The following CFAP299 variants were observed in gnomAD, a reference collection of about 807,000 sequenced individuals.
CFAP299 encodes cilia- and flagella-associated protein 299.
Under a neutral mutation model 27.0 loss-of-function variants are expected in CFAP299, and 21 were observed. That is an observed-to-expected ratio of 0.78 (90% confidence interval 0.55 to 1.12). CFAP299 has a LOEUF of 1.12. Among genes scored for constraint, CFAP299 ranks in the 50% most tolerant of loss-of-function variants. The pLI, the probability that CFAP299 is intolerant of heterozygous loss-of-function variation, is 0.00. For missense variants in CFAP299, 310 were observed against 276.6 expected, an observed-to-expected ratio of 1.12 and a Z score of -0.86; for synonymous variants, 104 against 98.1, an observed-to-expected ratio of 1.06 and a Z score of -0.36.
rs553192290 is a variant in CFAP299, at chr4:80,656,401, G to T, written c.333+73218G>T. Among the ~76,000 whole-genome samples the T allele has an allele frequency of 1.1e-3, 174 of 151,918 alleles. No homozygotes were observed. In the Middle Eastern group the frequency reaches 0.014, roughly 12 times the overall value. On this transcript the variant is annotated intron_variant, in intron 3 of 5. Coordinates refer to ENST00000358105, the MANE Select transcript of CFAP299 (RefSeq NM_152770.3). ...GTGCCCCAGCCCCCGACAGACCCCTGTGTGTGATGTTCCCCTCCTTGTGTC... is the reference window on the plus strand; with the variant it reads ...GTGCCCCAGCCCCCGACAGACCCCTTTGTGTGATGTTCCCCTCCTTGTGTC...
At chr4:80,619,542 A>G (rs983422029) in intron 3 of CFAP299, among the ~76,000 whole-genome samples, 1 of 152,080 alleles carries the variant, frequency 6.6e-6, no homozygotes, top group African/African-American at 2.4e-5. Flanking sequence ...CAGCCACCTA[A>G]CTAGATGGCT....
intron 5 of CFAP299, among the ~76,000 whole-genome samples, chr4:80,945,760 G>A (rs941621961): frequency 1.3e-5 from 2 of 151,968 alleles, no homozygotes; most frequent in African/African-American, 2.4e-5. Flanking sequence ...AAGGAAAGGG[G>A]GGTCAGGTTA....
chr4:80,631,866 C>T (rs1445272978), intron 3 of CFAP299, among the ~76,000 whole-genome samples: 1 of 99,392 alleles, frequency 1.0e-5, no homozygotes, highest in Non-Finnish European at 2.3e-5. Flanking sequence ...TGTGCCCCAC[C>T]CCCCCCCAAC....
intron 2 of CFAP299, among the ~76,000 whole-genome samples, chr4:80,541,973 A>T (rs1026847095): frequency 1.1e-4 from 13 of 120,870 alleles, no homozygotes; most frequent in Admixed American, 2.4e-4. Flanking sequence ...TATAATAATT[A>T]AAAAAAAAAA....
In CFAP299 at chr4:80,370,910, G is replaced by A. The variant is rs373723337; in HGVS notation, c.242+8026G>A. ...CTCCACTAGGCAGCGCCCCAGTGGG[G>A]CCTCTGTGTGAGAGCTCTAACTCCA... On this transcript the variant is annotated intron_variant, in intron 2 of 5. Transcript: ENST00000358105. Among the ~76,000 whole-genome samples the A allele has an allele frequency of 2.6e-5, 4 of 152,246 alleles. No homozygotes were observed. In the East Asian group the frequency reaches 5.8e-4, roughly 22 times the overall value.
intron 2 of CFAP299, among the ~76,000 whole-genome samples, chr4:80,464,279 A>T (rs947259387): frequency 1.3e-5 from 2 of 152,182 alleles, no homozygotes; most frequent in African/African-American, 4.8e-5. Flanking sequence ...AATGGAACTC[A>T]GTTGCATAAT....
chr4:80,448,678 G>A (rs1273334032), intron 2 of CFAP299, among the ~76,000 whole-genome samples: 3 of 146,492 alleles, frequency 2.0e-5, no homozygotes, highest in African/African-American at 7.5e-5. Flanking sequence ...TTTCTGCTGT[G>A]TTTAGGTGTT....
chr4:80,924,400 G>A (rs904013359), intron 4 of CFAP299, among the ~76,000 whole-genome samples: 1 of 151,484 alleles, frequency 6.6e-6, no homozygotes, highest in East Asian at 1.9e-4. Context: ...GTTACTTGTG[G>A]CAGACCAAGT....
At chr4:80,618,064 C>T (rs554407439) in intron 3 of CFAP299, among the ~76,000 whole-genome samples, 3 of 151,908 alleles carry the variant, frequency 2.0e-5, no homozygotes, top group Non-Finnish European at 2.9e-5. Context: ...ATTTGCATAC[C>T]GCATAGGTTG....
chr4:80,948,571 A>G (rs1259003194), intron 5 of CFAP299, among the ~76,000 whole-genome samples: 2 of 152,002 alleles, frequency 1.3e-5, no homozygotes, highest in Non-Finnish European at 2.9e-5. Flanking sequence ...AACACTAACC[A>G]TGGGATAGTT....
rs139937856 is a variant in CFAP299 at position 80,692,072 on chromosome 4, A to G, written c.333+108889A>G. Among the ~76,000 whole-genome samples the G allele has an allele frequency of 3.5e-3, 535 of 152,376 alleles. 4 individuals are homozygous for G. The highest frequency in any genetic ancestry group is 0.012 in the African/African-American group (502 of 41,584). ...ATACAAACAAATGGAAGAGCATTCT[A>G]TGCTCATAGGTAGGAAGAATCAATA... is the stretch of plus-strand genomic sequence containing the variant. On this transcript the variant is annotated intron_variant, in intron 3 of 5. Coordinates refer to ENST00000358105, the MANE Select transcript of CFAP299 (RefSeq NM_152770.3).
intron 1 of CFAP299, among the ~76,000 whole-genome samples, chr4:80,356,765 A>T (rs1330570346): frequency 6.6e-6 from 1 of 152,106 alleles, no homozygotes; most frequent in Non-Finnish European, 1.5e-5. Context: ...TAGATATAAG[A>T]TCATATAATC....
chr4:80,862,732 A>T (rs1732460063), intron 3 of CFAP299, among the ~76,000 whole-genome samples: 1 of 152,158 alleles, frequency 6.6e-6, no homozygotes, highest in Non-Finnish European at 1.5e-5. Flanking sequence ...CCAAGCCTCC[A>T]ACAGGAAAGA....
At chr4:80,943,665 T>G (rs371788109) in intron 4 of CFAP299, among the ~76,000 whole-genome samples, 22 of 152,166 alleles carry the variant, frequency 1.4e-4, no homozygotes, top group South Asian at 6.2e-4. Context: ...TAAAAATAAG[T>G]GTAAATATAT....
intron 2 of CFAP299, among the ~76,000 whole-genome samples, chr4:80,412,696 C>T (rs933609904): frequency 6.6e-6 from 1 of 152,120 alleles, no homozygotes; most frequent in Admixed American, 6.5e-5. Flanking sequence ...TGAAGAAATG[C>T]AGCAACATGT....
rs763143411 is a variant in CFAP299, at chr4:80,764,816, C to T, written c.334-105177C>T. Among the ~76,000 whole-genome samples, 28 of 151,794 alleles carry T rather than the reference C, an allele frequency of 1.8e-4. 1 individual carries two copies. The highest frequency in any genetic ancestry group is 4.2e-4 in the South Asian group (2 of 4,786). On this transcript the variant is annotated intron_variant, in intron 3 of 5. Coordinates refer to ENST00000358105, the MANE Select transcript of CFAP299 (RefSeq NM_152770.3). ...GCAGGGACATGGATGAAGTTGAAAACGATCAGCAAACTAACACAGGAACAG... is the reference window on the plus strand; with the variant it reads ...GCAGGGACATGGATGAAGTTGAAAATGATCAGCAAACTAACACAGGAACAG...
At chr4:80,411,163 G>C (rs1429115856) in intron 2 of CFAP299, among the ~76,000 whole-genome samples, 1 of 152,044 alleles carries the variant, frequency 6.6e-6, no homozygotes. Flanking sequence ...AATAATAAAA[G>C]GTTTACATTT....
intron 3 of CFAP299, among the ~76,000 whole-genome samples, chr4:80,801,008 T>C (rs1338888078): frequency 6.6e-6 from 1 of 151,618 alleles, no homozygotes; most frequent in East Asian, 1.9e-4. Flanking sequence ...ATATACTGGC[T>C]GCCCTGACAG....
At chr4:80,629,391 T>C (rs1015673267) in intron 3 of CFAP299, among the ~76,000 whole-genome samples, 1 of 152,120 alleles carries the variant, frequency 6.6e-6, no homozygotes, top group Non-Finnish European at 1.5e-5. Flanking sequence ...AGAGCTCTAT[T>C]GTACAACTTG....
Sources: gnomAD v4.1 joint callset for allele counts (sites outside exome capture counted in the v4.1 genomes callset) on GRCh38, gnomAD v4.1.1 for gene constraint, MANE v1.5 for transcripts, NCBI Gene and HGNC (gene_info 2026-07-23, HGNC 2026-07-21) for gene names.